The following EDNRA variants were observed in gnomAD, a reference collection of about 807,000 sequenced individuals.
EDNRA encodes endothelin-1 receptor.
A neutral mutation model predicts 41.4 loss-of-function variants in EDNRA; 11 were observed. That is an observed-to-expected ratio of 0.27 (90% CI 0.17 to 0.44). The LOEUF (loss-of-function observed/expected upper bound fraction) is 0.44. Ranked by LOEUF, EDNRA falls within the 20% of genes least tolerant of loss-of-function variation. The pLI, the probability that EDNRA is intolerant of heterozygous loss-of-function variation, is 1.00. For synonymous variants in EDNRA, 172 were observed against 183.0 expected (o/e 0.94, Z 0.49); for missense variants, 294 against 531.0 (o/e 0.55, Z 4.39).
chr4:147,527,426 G>A (rs902653671), intron 3 of EDNRA, among the ~76,000 whole-genome samples: 2 of 152,138 alleles, frequency 1.3e-5, no homozygotes, highest in Non-Finnish European at 2.9e-5. Context: ...TAGAAACATA[G>A]GAGAGTATTT....
chr4:147,517,137 T>C (rs552079491), intron 2 of EDNRA, among the ~76,000 whole-genome samples: 1 of 152,338 alleles, frequency 6.6e-6, no homozygotes, highest in South Asian at 2.1e-4. Context: ...TATAAGCTTT[T>C]ATACAGCTTA....
intron 2 of EDNRA, among the ~76,000 whole-genome samples, chr4:147,499,871 C>A (rs1173997596): frequency 8.1e-6 from 1 of 123,252 alleles, no homozygotes; most frequent in African/African-American, 3.2e-5. Flanking sequence ...GTAATGCAAT[C>A]TTGGCTTGCT....
intron 2 of EDNRA, chr4:147,493,587 T>C (rs1216647244): frequency 6.6e-6 from 1 of 152,218 alleles, no homozygotes; most frequent in Non-Finnish European, 1.5e-5. Flanking sequence ...CACATTCTCT[T>C]GGGAGTTAGA....
chr4:147,536,100 C>T (rs1196073506), intron 5 of EDNRA, 71 bp downstream of exon 5: 1 of 1,529,324 alleles, frequency 6.5e-7, no homozygotes, highest in Admixed American at 1.7e-5. Flanking sequence ...CCTGCAAATA[C>T]CATCTTTAGT....
At chr4:147,491,167 A>G (rs1439132751) in intron 2 of EDNRA, 1 of 152,234 alleles carries the variant, frequency 6.6e-6, no homozygotes, top group East Asian at 1.9e-4. Flanking sequence ...AACAATGAAA[A>G]ATAAACACAT....
chr4:147,498,825 G>C (rs1729406074), intron 2 of EDNRA, among the ~76,000 whole-genome samples: 1 of 151,944 alleles, frequency 6.6e-6, no homozygotes, highest in Non-Finnish European at 1.5e-5. Context: ...GGCTTATCTT[G>C]AACTCTTAAA....
intron 1 of EDNRA, among the ~76,000 whole-genome samples, chr4:147,483,031 A>G (rs181471422): frequency 2.2e-4 from 33 of 152,334 alleles, no homozygotes; most frequent in Non-Finnish European, 7.3e-5. Context: ...ACAAGATATG[A>G]AAGTATTTCT....
intron 2 of EDNRA, among the ~76,000 whole-genome samples, chr4:147,501,296 A>G (rs1729509170): frequency 6.6e-6 from 1 of 152,164 alleles, no homozygotes; most frequent in Non-Finnish European, 1.5e-5. Context: ...TGTTCAGACT[A>G]CCTCTTCTCT....
chr4:147,515,888 C>A (rs984101926), intron 2 of EDNRA, among the ~76,000 whole-genome samples: 5 of 152,164 alleles, frequency 3.3e-5, no homozygotes, highest in Non-Finnish European at 5.9e-5. Context: ...TTCCCTAAAT[C>A]TGTTTTTAAT....
chr4:147,489,777 G>A (rs1023052497), intron 2 of EDNRA: 2 of 151,808 alleles, frequency 1.3e-5, no homozygotes, highest in African/African-American at 2.4e-5. Context: ...TAACATATCC[G>A]GGACTTTGCT....
chr4:147,503,516 A>G (rs1200034688), intron 2 of EDNRA, among the ~76,000 whole-genome samples: 1 of 152,160 alleles, frequency 6.6e-6, no homozygotes, highest in African/African-American at 2.4e-5. Context: ...GCCTGCCACT[A>G]TATTGTTCAT....
At chr4:147,510,805 C>T (rs781229895) in intron 2 of EDNRA, among the ~76,000 whole-genome samples, 4 of 152,166 alleles carry the variant, frequency 2.6e-5, no homozygotes, top group South Asian at 2.1e-4. Context: ...CACTCTTTCA[C>T]GGGAAGAATG....
At chr4:147,505,634 GC>G (rs1729681404) in intron 2 of EDNRA, among the ~76,000 whole-genome samples, 1 of 142,640 alleles carries the variant, frequency 7.0e-6, no homozygotes, top group African/African-American at 2.7e-5. Flanking sequence ...AAGCCACCCT[GC>G]CCCGCCGGCA....
chr4:147,516,299 C>A (rs1387264958), intron 2 of EDNRA, among the ~76,000 whole-genome samples: 1 of 152,236 alleles, frequency 6.6e-6, no homozygotes, highest in Non-Finnish European at 1.5e-5. Context: ...ATGGCAGCCT[C>A]TCTTCAGCCT....
chr4:147,517,344 T>C (rs1305033201), intron 2 of EDNRA, among the ~76,000 whole-genome samples: 1 of 152,142 alleles, frequency 6.6e-6, no homozygotes, highest in East Asian at 1.9e-4. Flanking sequence ...ACTTTGAATG[T>C]AGGACTGCTC....
intron 2 of EDNRA, among the ~76,000 whole-genome samples, chr4:147,517,725 T>C (rs1364857486): frequency 6.6e-6 from 1 of 152,220 alleles, no homozygotes; most frequent in Non-Finnish European, 1.5e-5. Flanking sequence ...GACAATTCCA[T>C]GATCTTTTTT....
chr4:147,508,827 C>A (rs1463285574), intron 2 of EDNRA, among the ~76,000 whole-genome samples: 1 of 152,164 alleles, frequency 6.6e-6, no homozygotes, highest in Non-Finnish European at 1.5e-5. Flanking sequence ...TATGCCAATA[C>A]CATCCTGTCT....
chr4:147,490,237 A>T (rs2126381973), intron 2 of EDNRA: 1 of 152,318 alleles, frequency 6.6e-6, no homozygotes, highest in Non-Finnish European at 1.5e-5. Flanking sequence ...AATGCAAGGC[A>T]GAAGGAACCA....
chr4:147,505,130 C>T (rs1578788884), intron 2 of EDNRA, among the ~76,000 whole-genome samples: 1 of 149,794 alleles, frequency 6.7e-6, no homozygotes, highest in South Asian at 2.1e-4. Flanking sequence ...TGTTCAATAT[C>T]ATTAGCCATT....
Sources: gnomAD v4.1 joint callset for allele counts (sites outside exome capture counted in the v4.1 genomes callset) on GRCh38, gnomAD v4.1.1 for gene constraint, MANE v1.5 for transcripts, NCBI Gene and HGNC (gene_info 2026-07-23, HGNC 2026-07-21) for gene names.